VAT1L: variants seen among roughly 807,000 people sequenced by gnomAD.
VAT1L encodes the protein vesicle amine transport 1 like.
Under a neutral mutation model 44.1 loss-of-function variants are expected in VAT1L, and 34 were observed. The observed-to-expected ratio is 0.77, with a 90% CI of 0.59 to 1.03. The LOEUF is 1.03. Ranked by LOEUF, VAT1L falls within the 50% of genes least tolerant of loss-of-function variation. VAT1L has a pLI of 0.00. For missense variants in VAT1L, 615 were observed against 538.8 expected, an observed-to-expected ratio of 1.14 and a Z score of -1.40; for synonymous variants, 253 against 202.2, an observed-to-expected ratio of 1.25 and a Z score of -2.13.
intron 4 of VAT1L, among the ~76,000 whole-genome samples, chr16:77,873,497 G>A (rs2017054073): frequency 6.6e-6 from 1 of 152,138 alleles, no homozygotes; most frequent in Admixed American, 6.5e-5. Flanking sequence ...AAACACTTGT[G>A]CATTCCTCTG....
At chr16:77,970,932 A>T (rs1055963927) in intron 7 of VAT1L, among the ~76,000 whole-genome samples, 5 of 152,342 alleles carry the variant, frequency 3.3e-5, no homozygotes, top group African/African-American at 1.2e-4. Context: ...ACATTTAATG[A>T]ATATTTTTGG....
At chr16:77,929,770 C>T (rs1020179472) in intron 7 of VAT1L, among the ~76,000 whole-genome samples, 6 of 152,132 alleles carry the variant, frequency 3.9e-5, no homozygotes, top group Non-Finnish European at 8.8e-5. Context: ...GAAACATTTA[C>T]AGGTTAAGCA....
chr16:77,861,789 T>C (rs2016916721), intron 3 of VAT1L, among the ~76,000 whole-genome samples: 1 of 152,236 alleles, frequency 6.6e-6, no homozygotes, highest in Non-Finnish European at 1.5e-5. Context: ...GCAAATGTGC[T>C]GGATAAATAC....
intron 7 of VAT1L, among the ~76,000 whole-genome samples, chr16:77,953,303 C>T (rs1438105015): frequency 6.6e-6 from 1 of 152,188 alleles, no homozygotes; most frequent in Non-Finnish European, 1.5e-5. Context: ...GTTTGTGGTA[C>T]TTAGACAGCA....
intron 7 of VAT1L, among the ~76,000 whole-genome samples, chr16:77,931,047 G>A (rs1266649716): frequency 1.3e-5 from 2 of 152,164 alleles, no homozygotes; most frequent in African/African-American, 4.8e-5. Flanking sequence ...GTAATCACTT[G>A]TTCAAGAGTG....
chr16:77,921,853 C>T (rs1385672668), intron 7 of VAT1L, among the ~76,000 whole-genome samples: 7 of 151,036 alleles, frequency 4.6e-5, no homozygotes, highest in African/African-American at 7.3e-5. Flanking sequence ...AAGCAATCCT[C>T]CCACCTCAGC....
chr16:77,958,369 C>T (rs551821420), intron 7 of VAT1L, among the ~76,000 whole-genome samples: 8 of 152,302 alleles, frequency 5.3e-5, no homozygotes, highest in Admixed American at 1.3e-4. Flanking sequence ...TTACACACTG[C>T]GCAACAGATA....
chr16:77,939,392 G>A (rs1172065193), intron 7 of VAT1L, among the ~76,000 whole-genome samples: 1 of 152,172 alleles, frequency 6.6e-6, no homozygotes, highest in East Asian at 1.9e-4. Flanking sequence ...GGCCGGAGGC[G>A]GGCGGGGTGG....
At chr16:77,892,900 C>A in intron 7 of VAT1L, 2 of 1,102,622 alleles carry the variant, frequency 1.8e-6, no homozygotes, top group Non-Finnish European at 1.4e-6. Context: ...CCATTGCTGA[C>A]TGTGGACAAA....
intron 7 of VAT1L, among the ~76,000 whole-genome samples, chr16:77,945,448 A>T (rs778487826): frequency 1.3e-5 from 2 of 151,564 alleles, no homozygotes; most frequent in Non-Finnish European, 2.9e-5. Context: ...CATCATGCCC[A>T]TGTAATTTTT....
intron 3 of VAT1L, among the ~76,000 whole-genome samples, chr16:77,844,370 C>A (rs2145262371): frequency 6.6e-6 from 1 of 152,160 alleles, no homozygotes; most frequent in South Asian, 2.1e-4. Flanking sequence ...GGAAGATGGG[C>A]ATAGGTTATA....
chr16:77,793,058 A>T (rs915375685), intron 1 of VAT1L, among the ~76,000 whole-genome samples: 7 of 152,306 alleles, frequency 4.6e-5, no homozygotes, highest in African/African-American at 1.7e-4. Context: ...AACCATTATT[A>T]TGTAAACTTT....
At chr16:77,962,441 G>A (rs1209210410) in intron 7 of VAT1L, among the ~76,000 whole-genome samples, 1 of 152,070 alleles carries the variant, frequency 6.6e-6, no homozygotes, top group Middle Eastern at 3.2e-3. Context: ...AGCAGAGGAA[G>A]GCCAGGGTAG....
chr16:77,941,659 C>G (rs555531526), intron 7 of VAT1L, among the ~76,000 whole-genome samples: 10 of 152,232 alleles, frequency 6.6e-5, no homozygotes, highest in African/African-American at 2.4e-4. Context: ...GATCTTGGCT[C>G]GCTGCAACCT....
chr16:77,802,418 C>T (rs1597165664), intron 1 of VAT1L, among the ~76,000 whole-genome samples: 1 of 152,212 alleles, frequency 6.6e-6, no homozygotes, highest in East Asian at 1.9e-4. Context: ...AGTTCAAGAC[C>T]AGCCTGGCCA....
At chr16:77,971,263 T>C (rs934300079) in intron 7 of VAT1L, among the ~76,000 whole-genome samples, 5 of 152,206 alleles carry the variant, frequency 3.3e-5, no homozygotes, top group Middle Eastern at 3.2e-3. Context: ...CCTGTTGGCC[T>C]GGCAAGCCCC....
rs762817423 is a variant in VAT1L at position 77,950,699 on chromosome 16, G to T, written c.1078-21151G>T. Among the ~76,000 whole-genome samples, 259 of 152,012 alleles carry T rather than the reference G, an allele frequency of 1.7e-3. 1 individual carries two copies. The highest frequency in any genetic ancestry group is 3.1e-3 in the Non-Finnish European group (211 of 67,996). On this transcript the variant is annotated intron_variant, in intron 7 of 8. Coordinates refer to ENST00000302536, the MANE Select transcript of VAT1L (RefSeq NM_020927.3). ...GATGGACATTTTGCTCCAGTTTTTT[G>T]CTTTTAAATATTGAATAACATATAG... is the stretch of plus-strand genomic sequence containing the variant.
intron 7 of VAT1L, among the ~76,000 whole-genome samples, chr16:77,923,679 G>C (rs1475530782): frequency 6.6e-6 from 1 of 152,200 alleles, no homozygotes; most frequent in Non-Finnish European, 1.5e-5. Flanking sequence ...TGTAAAGTGA[G>C]GGAGATGGAC....
At chr16:77,896,156 T>G (rs1249012742) in intron 7 of VAT1L, among the ~76,000 whole-genome samples, 2 of 152,210 alleles carry the variant, frequency 1.3e-5, no homozygotes, top group African/African-American at 4.8e-5. Context: ...ACCACTGTGA[T>G]TTTCAGAAAC....
Sources: allele counts gnomAD v4.1 joint callset (sites outside exome capture counted in the v4.1 genomes callset), GRCh38; gene constraint gnomAD v4.1.1; transcripts MANE v1.5; gene names NCBI Gene and HGNC (gene_info 2026-07-23, HGNC 2026-07-21).